GFM1: variants seen among roughly 807,000 people sequenced by gnomAD.
GFM1 encodes G elongation factor mitochondrial 1, also known as elongation factor G, mitochondrial.
In GFM1, 62 loss-of-function variants were observed where a neutral mutation model predicts 96.2. That is an observed-to-expected ratio of 0.64 (90% CI 0.53 to 0.80). The LOEUF is 0.80. Ranked by LOEUF, GFM1 falls within the 30% of genes least tolerant of loss-of-function variation. GFM1 has a pLI of 0.00. For synonymous variants in GFM1, 282 were observed against 312.9 expected (o/e 0.90, Z 1.04); for missense variants, 852 against 916.6 (o/e 0.93, Z 0.91).
At chr3:158,688,187 G>A (rs1299194930) in intron 15 of GFM1, among the ~76,000 whole-genome samples, 1 of 152,184 alleles carries the variant, frequency 6.6e-6, no homozygotes, top group East Asian at 1.9e-4. Context: ...TGATCAGTGA[G>A]GTAACCTAAA....
chr3:158,679,138 T>C (rs1235633805), intron 13 of GFM1, among the ~76,000 whole-genome samples: 1 of 152,270 alleles, frequency 6.6e-6, no homozygotes, highest in Non-Finnish European at 1.5e-5. Flanking sequence ...CTAGTTCTGA[T>C]GCTGATGTTT....
chr3:158,679,047 A>T (rs79527251), intron 13 of GFM1, among the ~76,000 whole-genome samples: 2,440 of 152,338 alleles, frequency 0.016, 58 homozygotes, highest in African/African-American at 0.055. Context: ...CTCAACCTGC[A>T]GCAGCCATCA....
At chr3:158,662,912 T>C (rs1303928826) in intron 11 of GFM1, among the ~76,000 whole-genome samples, 1 of 152,216 alleles carries the variant, frequency 6.6e-6, no homozygotes, top group Non-Finnish European at 1.5e-5. Flanking sequence ...GACTGTACTT[T>C]ATAACTCTTT....
chr3:158,647,499 A>G (rs896508099), intron 4 of GFM1, among the ~76,000 whole-genome samples: 5 of 152,244 alleles, frequency 3.3e-5, no homozygotes, highest in Non-Finnish European at 7.3e-5. Flanking sequence ...AAAAAGAGTC[A>G]GAATTTCACT....
intron 1 of GFM1, 105 bp downstream of exon 1, chr3:158,644,820 C>A: frequency 1.1e-6 from 1 of 909,960 alleles, no homozygotes; most frequent in Non-Finnish European, 1.8e-6. Context: ...TGACTGACAG[C>A]TCCGAATACT....
At chr3:158,672,629 G>A (rs1724462705) in intron 13 of GFM1, 3 of 889,824 alleles carry the variant, frequency 3.4e-6, no homozygotes, top group Non-Finnish European at 5.0e-6. Flanking sequence ...AGCTCCTTCC[G>A]ACTCCGGAAG....
chr3:158,647,037 C>A, intron 4 of GFM1, 90 bp downstream of exon 4: 2 of 1,017,462 alleles, frequency 2.0e-6, no homozygotes, highest in Non-Finnish European at 3.0e-6. Flanking sequence ...TGTCATTAAA[C>A]TTTATTCTTA....
intron 16 of GFM1, chr3:158,690,648 A>G (rs1017687052): frequency 2.8e-6 from 1 of 351,192 alleles, no homozygotes; most frequent in South Asian, 2.8e-5. Context: ...CTTTATTTGC[A>G]TAATTACTTT....
chr3:158,659,963 C>T (rs1393936313), intron 9 of GFM1, among the ~76,000 whole-genome samples: 2 of 152,156 alleles, frequency 1.3e-5, no homozygotes, highest in East Asian at 3.8e-4. Flanking sequence ...GAAAGACATG[C>T]TTACTCACAG....
intron 7 of GFM1, among the ~76,000 whole-genome samples, 188 bp downstream of exon 7, chr3:158,653,655 A>G (rs1276116491): frequency 6.6e-6 from 1 of 151,896 alleles, no homozygotes; most frequent in Non-Finnish European, 1.5e-5. Flanking sequence ...CCTATATCAT[A>G]TTCTGTTTTG....
chr3:158,645,612 T>C lies in GFM1; in HGVS notation c.82-17T>C. The C allele has an allele frequency of 6.2e-7, 1 of 1,604,134 alleles. No individual in the cohort carries two copies. Among genetic ancestry groups the C allele is most frequent in the Non-Finnish European group, 8.5e-7 (1 of 1,170,944 alleles). Reference sequence around the variant, plus strand: ...TTATAAAAGGTGCATAGAATTGAGCTCTCGTATTTTTTTCAGGTTAATTGG... The same window carrying C: ...TTATAAAAGGTGCATAGAATTGAGCCCTCGTATTTTTTTCAGGTTAATTGG... On this transcript the variant is annotated splice_polypyrimidine_tract_variant and intron_variant, in intron 1 of 17. Transcript: ENST00000486715.
In GFM1 at chr3:158,646,748, G is replaced by A. The variant is rs200923387; in HGVS notation, c.373G>A (p.Val125Met). The stretch of plus-strand genomic sequence containing the variant: ...TCATACTTCATCTTATTCAGGGCAT[G>A]TGGACTTCACAATAGAAGTGGAAAG... ...NINIIDTPGH[V>M]DFTIEVERAL... The change falls in exon 4 of 18, where the codon GTG (valine) becomes ATG (methionine). Residue 125 changes from valine (V) to methionine (M), a missense_variant. Coordinates refer to ENST00000486715, the MANE Select transcript of GFM1 (RefSeq NM_024996.7). The A allele has an allele frequency of 1.7e-4, 278 of 1,612,956 alleles. 1 individual carries two copies. Among genetic ancestry groups the A allele is most frequent in the Admixed American group, 2.5e-4 (15 of 59,884 alleles).
At chr3:158,649,390 G>A (rs1046092275) in intron 5 of GFM1, 2 of 380,724 alleles carry the variant, frequency 5.3e-6, no homozygotes, top group Admixed American at 7.9e-5. Flanking sequence ...TCACATTATG[G>A]CATGCATGGT....
intron 4 of GFM1, among the ~76,000 whole-genome samples, chr3:158,648,166 A>T (rs1463568413): frequency 6.6e-6 from 1 of 152,036 alleles, no homozygotes; most frequent in Non-Finnish European, 1.5e-5. Flanking sequence ...TCAAATCTTT[A>T]CATTTTATTT....
chr3:158,655,634 AACTT>A (rs537576140), intron 8 of GFM1, among the ~76,000 whole-genome samples: 103 of 152,346 alleles, frequency 6.8e-4, no homozygotes, highest in Non-Finnish European at 1.1e-3. Flanking sequence ...AAAAGAAACA[AACTT>A]ACTTATTTTA....
intron 11 of GFM1, among the ~76,000 whole-genome samples, chr3:158,663,930 A>G (rs1723401246): frequency 6.6e-6 from 1 of 152,162 alleles, no homozygotes; most frequent in Admixed American, 6.6e-5. Context: ...GGCAGGCATG[A>G]TGTTTCTAAT....
chr3:158,666,299 T>A lies in GFM1; in HGVS notation c.1519-5T>A. The A allele has an allele frequency of 1.9e-6, 3 of 1,610,976 alleles. No homozygotes were observed. The highest frequency in any genetic ancestry group is 2.5e-6 in the Non-Finnish European group (3 of 1,177,512). Reference sequence around the variant, plus strand: ...TTTAAATAATATTTTCCCCACTCTTTTTAGAGGCTGGAAAGAGAGTATGGC... The same window carrying A: ...TTTAAATAATATTTTCCCCACTCTTATTAGAGGCTGGAAAGAGAGTATGGC... On this transcript the variant is annotated splice_polypyrimidine_tract_variant and splice_region_variant and intron_variant, in intron 12 of 17. Transcript: ENST00000486715.
rs779253646 is a variant in GFM1 at position 158,646,274 on chromosome 3, A to G, written c.344A>G (p.Asn115Ser). The G allele has an allele frequency of 2.4e-5, 39 of 1,614,028 alleles. 1 individual carries two copies. Among genetic ancestry groups the G allele is most frequent in the Non-Finnish European group, 3.1e-5 (36 of 1,179,988 alleles). The change falls in exon 3 of 18, where the codon AAT becomes AGT. Residue 115 changes from asparagine (N) to serine (S), a missense_variant. Asn to Ser is a conservative substitution (Grantham distance 46). Transcript: ENST00000486715. ...ACTTACACCATGTGGAAAGATGTCA[A>G]TATTAACATTATAGATACTCCTGGT... ...AATYTMWKDV[N>S]INIIDTPGHV... is the part of the protein sequence containing the mutation.
chr3:158,682,227 T>C (rs1725451821), intron 14 of GFM1, 70 bp downstream of exon 14: 1 of 1,281,798 alleles, frequency 7.8e-7, no homozygotes, highest in Non-Finnish European at 1.1e-6. Context: ...TAAATCATAC[T>C]TTGTCTTCCA....
Sources: allele counts gnomAD v4.1 joint callset (sites outside exome capture counted in the v4.1 genomes callset), GRCh38; gene constraint gnomAD v4.1.1; transcripts MANE v1.5; gene names NCBI Gene and HGNC (gene_info 2026-07-23, HGNC 2026-07-21).